The following SYN3 variants were observed in gnomAD, a reference collection of about 807,000 sequenced individuals.
SYN3 encodes the protein synapsin III.
Under a neutral mutation model 65.8 loss-of-function variants are expected in SYN3, and 35 were observed. The observed-to-expected ratio is 0.53, with a 90% confidence interval of 0.41 to 0.70. The LOEUF (loss-of-function observed/expected upper bound fraction) is 0.70. Among genes scored for constraint, SYN3 ranks in the 30% least tolerant of loss-of-function variants. SYN3 has a pLI of 0.00. For missense variants in SYN3, 680 were observed against 749.0 expected (o/e 0.91, Z 1.08); for synonymous variants, 270 against 292.9 (o/e 0.92, Z 0.80).
At chr22:32,689,322 G>T (rs1040409758) in intron 6 of SYN3, among the ~76,000 whole-genome samples, 8 of 152,180 alleles carry the variant, frequency 5.3e-5, no homozygotes, top group Admixed American at 1.3e-4. Flanking sequence ...TCCCAGTTTT[G>T]CCACCTAATG....
chr22:32,927,316 T>C (rs980994198), intron 4 of SYN3, among the ~76,000 whole-genome samples: 1 of 151,118 alleles, frequency 6.6e-6, no homozygotes, highest in Non-Finnish European at 1.5e-5. Context: ...CAGGCTAAAG[T>C]GCAGTGGCGT....
chr22:32,820,987 C>G (rs951485149), intron 6 of SYN3, among the ~76,000 whole-genome samples: 1 of 152,024 alleles, frequency 6.6e-6, no homozygotes, highest in Non-Finnish European at 1.5e-5. Context: ...ATGACCAATC[C>G]GAGAAACCCA....
intron 6 of SYN3, among the ~76,000 whole-genome samples, chr22:32,633,532 TA>T (rs2059774698): frequency 6.6e-6 from 1 of 152,186 alleles, no homozygotes; most frequent in Admixed American, 6.5e-5. Context: ...AGGGGAATCC[TA>T]GTTGTTGGGA....
At chr22:32,666,148 A>G (rs1480735372) in intron 6 of SYN3, among the ~76,000 whole-genome samples, 2 of 152,060 alleles carry the variant, frequency 1.3e-5, no homozygotes, top group African/African-American at 4.8e-5. Flanking sequence ...ATTTTCCTCC[A>G]CCATTACTGC....
At chr22:32,907,535 A>C (rs1255419168) in intron 4 of SYN3, among the ~76,000 whole-genome samples, 1 of 152,192 alleles carries the variant, frequency 6.6e-6, no homozygotes, top group Non-Finnish European at 1.5e-5. Flanking sequence ...GAGGTGAGTG[A>C]AGCACTCACC....
At chr22:33,051,628 G>A (rs945492410) in intron 1 of SYN3, among the ~76,000 whole-genome samples, 27 of 152,014 alleles carry the variant, frequency 1.8e-4, no homozygotes, top group African/African-American at 5.8e-4. Context: ...TCACCCCTAA[G>A]AGCCCCAGCC....
At chr22:32,769,584 T>C (rs543132277) in intron 6 of SYN3, among the ~76,000 whole-genome samples, 36 of 151,276 alleles carry the variant, frequency 2.4e-4, no homozygotes, top group Non-Finnish European at 5.0e-4. Flanking sequence ...TGGCGCGATC[T>C]CGGCTCAACG....
chr22:32,787,527 C>T (rs1342846008), intron 6 of SYN3, among the ~76,000 whole-genome samples: 1 of 152,154 alleles, frequency 6.6e-6, no homozygotes, highest in South Asian at 2.1e-4. Flanking sequence ...ATGATGATGT[C>T]TACCTCACTG....
chr22:32,604,538 G>GAT (rs2059337279), intron 6 of SYN3, among the ~76,000 whole-genome samples: 1 of 107,130 alleles, frequency 9.3e-6, no homozygotes, highest in Non-Finnish European at 1.9e-5. Flanking sequence ...TCTCCGCTGA[G>GAT]ATACCCTCCC....
intron 7 of SYN3, among the ~76,000 whole-genome samples, chr22:32,560,749 A>G (rs938788308): frequency 6.6e-6 from 1 of 152,080 alleles, no homozygotes; most frequent in Non-Finnish European, 1.5e-5. Context: ...AGCAAGGGGG[A>G]TCACATGATC....
intron 7 of SYN3, among the ~76,000 whole-genome samples, chr22:32,588,918 G>A (rs1210170573): frequency 6.6e-6 from 1 of 152,200 alleles, no homozygotes; most frequent in African/African-American, 2.4e-5. Flanking sequence ...ACCAGTACAT[G>A]CCAGTTTACC....
intron 8 of SYN3, among the ~76,000 whole-genome samples, chr22:32,539,219 C>T (rs2058213562): frequency 6.6e-6 from 1 of 152,076 alleles, no homozygotes; most frequent in African/African-American, 2.4e-5. Flanking sequence ...CCACCAGGAG[C>T]CATAAGGCAC....
chr22:32,613,619 T>A (rs187733271), intron 6 of SYN3, among the ~76,000 whole-genome samples: 1 of 152,310 alleles, frequency 6.6e-6, no homozygotes, highest in Non-Finnish European at 1.5e-5. Flanking sequence ...ATGGAGTAGG[T>A]CCTCTGTAAG....
At chr22:32,586,507 A>G (rs1478627122) in intron 7 of SYN3, among the ~76,000 whole-genome samples, 2 of 152,194 alleles carry the variant, frequency 1.3e-5, no homozygotes, top group African/African-American at 2.4e-5. Flanking sequence ...AAGACTAGAC[A>G]GCACTTCAGC....
chr22:32,998,776 TAAA>T (rs34372968), intron 2 of SYN3, among the ~76,000 whole-genome samples: 2 of 82,008 alleles, frequency 2.4e-5, no homozygotes, highest in African/African-American at 9.8e-5. Flanking sequence ...ATAGAAATAG[TAAA>T]AAAAAAAAAA....
rs1017594440 is a variant in SYN3, at chr22:32,507,873, T to C, written c.*5819A>G. Among the ~76,000 whole-genome samples the C allele has an allele frequency of 7.9e-5, 12 of 151,926 alleles. No individual in the cohort carries two copies. Among genetic ancestry groups the C allele is most frequent in the African/African-American group, 2.7e-4 (11 of 41,292 alleles). ...AATGTTTCTTCTAACATCCCCACAATATCACCCCTTACCACGAGACCTCCC... is the reference window on the plus strand; with the variant it reads ...AATGTTTCTTCTAACATCCCCACAACATCACCCCTTACCACGAGACCTCCC... On this transcript the variant is annotated 3_prime_UTR_variant, in exon 14 of 14. Coordinates refer to ENST00000358763, the MANE Select transcript of SYN3 (RefSeq NM_003490.4).
chr22:32,576,642 C>A (rs1400718446), intron 7 of SYN3, among the ~76,000 whole-genome samples: 1 of 152,148 alleles, frequency 6.6e-6, no homozygotes, highest in Non-Finnish European at 1.5e-5. Context: ...TCCCGCCTGG[C>A]ACAGTCAGTT....
intron 6 of SYN3, among the ~76,000 whole-genome samples, chr22:32,832,905 G>A (rs1010299202): frequency 7.9e-5 from 12 of 151,202 alleles, no homozygotes; most frequent in Non-Finnish European, 1.2e-4. Flanking sequence ...TTTTTTTTTC[G>A]TGGTTTTCGT....
intron 6 of SYN3, among the ~76,000 whole-genome samples, chr22:32,648,232 G>A (rs1301238490): frequency 1.3e-5 from 2 of 152,122 alleles, no homozygotes; most frequent in Non-Finnish European, 2.9e-5. Flanking sequence ...CCCAATATTA[G>A]CAAACCTCCC....
Sources: gnomAD v4.1 joint callset for allele counts (sites outside exome capture counted in the v4.1 genomes callset) on GRCh38, gnomAD v4.1.1 for gene constraint, MANE v1.5 for transcripts, NCBI Gene and HGNC (gene_info 2026-07-23, HGNC 2026-07-21) for gene names.